ZFAND2A: variants seen among roughly 807,000 people sequenced by gnomAD.
ZFAND2A encodes the protein AN1-type zinc finger protein 2A.
Under a neutral mutation model 11.6 loss-of-function variants are expected in ZFAND2A, and 20 were observed. The ratio of observed to expected loss-of-function variants is 1.72; its 90% confidence interval spans 1.21 to 2.50. ZFAND2A has a LOEUF of 2.50. Ranked by LOEUF, ZFAND2A falls within the 30% of genes most tolerant of loss-of-function variation. The pLI, the probability that ZFAND2A is intolerant of heterozygous loss-of-function variation, is 0.00. For missense variants in ZFAND2A, 234 were observed against 182.9 expected (o/e 1.28, Z -1.61); for synonymous variants, 93 against 60.6 (o/e 1.54, Z -2.48).
intron 3 of ZFAND2A, 53 bp downstream of exon 3, chr7:1,157,603 A>G (rs1268895662): frequency 2.6e-6 from 4 of 1,510,214 alleles, no homozygotes; most frequent in Non-Finnish European, 3.6e-6. Flanking sequence ...CCAGCAAGAC[A>G]GTGCAGCTTC....
intron 2 of ZFAND2A, 150 bp downstream of exon 2, chr7:1,158,008 A>T (rs1793572549): frequency 2.4e-6 from 2 of 838,576 alleles, no homozygotes; most frequent in Admixed American, 4.5e-5. Flanking sequence ...CCTCTGGTGG[A>T]TGCTAAGTGT....
rs1793580349 is a variant in ZFAND2A at position 1,158,267 on chromosome 7, A to C, written c.-45-10T>G. ...CGGAGTTAAGTGTCACCTACAAGAG[A>C]ATCAGAATAGTTAGGAGGAAAGCTG... On this transcript the variant is annotated splice_polypyrimidine_tract_variant and intron_variant, in intron 1 of 4. Transcript: ENST00000316495. 3 of 1,540,708 alleles carry C rather than the reference A, an allele frequency of 1.9e-6. No homozygotes were observed. The highest frequency in any genetic ancestry group is 1.1e-5 in the South Asian group (1 of 88,446).
At chr7:1,152,339 G>T (rs1474602121), downstream of ZFAND2A, 1 of 1,570,560 alleles carries the variant, frequency 6.4e-7, no homozygotes. Context: ...TGTCATGGGT[G>T]AGCACCTACA....
downstream of ZFAND2A, among the ~76,000 whole-genome samples, chr7:1,151,776 C>CAAAAAAAA (rs1563158643): frequency 9.5e-5 from 5 of 52,634 alleles, no homozygotes; most frequent in African/African-American, 3.4e-4. Context: ...AAAAAAAAAG[C>CAAAAAAAA]AAAGCCAGCC....
chr7:1,153,348 A>G (rs1584024379), intron 4 of ZFAND2A, 124 bp from the exon 5 acceptor site: 1 of 1,042,558 alleles, frequency 9.6e-7, no homozygotes, highest in East Asian at 2.6e-5. Flanking sequence ...CCTGGACTCA[A>G]GTGATTCTCC....
rs1209048500 is a variant in ZFAND2A, at chr7:1,152,981, G to A, written c.*88C>T. The A allele has an allele frequency of 1.4e-5, 21 of 1,541,970 alleles. No homozygotes were observed. Among genetic ancestry groups the A allele is most frequent in the African/African-American group, 4.1e-5 (3 of 73,172 alleles). Reference sequence around the variant, plus strand: ...AGATCAGCAGCCAGTGTGGGATGGTGCTCAATGGGGCTCCACTTCCCACTA... The same window carrying A: ...AGATCAGCAGCCAGTGTGGGATGGTACTCAATGGGGCTCCACTTCCCACTA... On this transcript the variant is annotated 3_prime_UTR_variant, in exon 5 of 5. Transcript: ENST00000316495.
chr7:1,153,992 C>T (rs760458491), intron 4 of ZFAND2A, among the ~76,000 whole-genome samples: 7 of 152,022 alleles, frequency 4.6e-5, no homozygotes, highest in South Asian at 2.1e-4. Flanking sequence ...TGGGGATTCC[C>T]GTGAAGATGG....
At chr7:1,150,677 C>A (rs1383777260), downstream of ZFAND2A, among the ~76,000 whole-genome samples, 1 of 152,170 alleles carries the variant, frequency 6.6e-6, no homozygotes, top group Non-Finnish European at 1.5e-5. Flanking sequence ...GCTCTTCAAA[C>A]CTATAAAACC....
At chr7:1,155,402 G>A (rs752175769) in intron 4 of ZFAND2A, 51 bp downstream of exon 4, 159 of 1,591,962 alleles carry the variant, frequency 1.0e-4, no homozygotes, top group Non-Finnish European at 1.3e-4. Flanking sequence ...CTCTTCCCAA[G>A]GAAAAACCAG....
In ZFAND2A at chr7:1,155,488, C is replaced by G; in HGVS notation, c.247G>C (p.Asp83His). The change falls in exon 4 of 5, where the codon GAC becomes CAC. Residue 83 changes from aspartate (D) to histidine (H), a missense_variant. Transcript: ENST00000316495. ...TTCTTCCCAGGGTGAGAGTCACAGT[C>G]TCTGTCAATGTGATCACCAACCACC... ...DVVVGDHIDR[D>H]CDSHPGKKKE... 1 of 1,613,816 alleles carries G rather than the reference C, an allele frequency of 6.2e-7. No homozygotes were observed. The highest frequency in any genetic ancestry group is 1.7e-5 in the Admixed American group (1 of 60,002).
downstream of ZFAND2A, among the ~76,000 whole-genome samples, chr7:1,151,328 T>G (rs1793393672): frequency 1.3e-5 from 2 of 152,138 alleles, no homozygotes. Flanking sequence ...GAGTAGCACC[T>G]GTGGCCGCCG....
chr7:1,153,274 G>T (rs1372011049), intron 4 of ZFAND2A, 50 bp from the exon 5 acceptor site: 3 of 1,586,148 alleles, frequency 1.9e-6, no homozygotes, highest in East Asian at 2.2e-5. Context: ...TGGAGACAGG[G>T]TCTCGCTCTG....
intron 1 of ZFAND2A, among the ~76,000 whole-genome samples, chr7:1,158,988 G>A (rs1793604879): frequency 6.6e-6 from 1 of 152,010 alleles, no homozygotes; most frequent in Admixed American, 6.6e-5. Context: ...CCCACTCCTG[G>A]AGGCCTCCTA....
chr7:1,155,019 G>C (rs1438942123), intron 4 of ZFAND2A, among the ~76,000 whole-genome samples: 1 of 152,232 alleles, frequency 6.6e-6, no homozygotes, highest in Non-Finnish European at 1.5e-5. Flanking sequence ...TCGGGAGGCT[G>C]AGACAGGAGA....
chr7:1,158,887 G>A lies in ZFAND2A; in HGVS notation c.-45-630C>T, dbSNP rs182043166. On this transcript the variant is annotated intron_variant, in intron 1 of 4. Transcript: ENST00000316495. ...TGATCTAGTACCCACCAGCCCTCCC[G>A]GGGCCTTTTCCTGGGGCTCACGAGG... Among the ~76,000 whole-genome samples, 40 of 152,124 alleles carry A rather than the reference G, an allele frequency of 2.6e-4. No homozygotes were observed. In the East Asian group the frequency reaches 7.4e-3, roughly 28 times the overall value.
Position 1,153,301 on chromosome 7 carries a change from G to A in ZFAND2A, c.283-77C>T, listed in dbSNP as rs931431819. The A allele has an allele frequency of 1.3e-5, 20 of 1,522,166 alleles. No individual in the cohort carries two copies. The African/African-American group carries it at 2.5e-4, about 19-fold the overall frequency. 94.3% of individuals were successfully genotyped at this position (1,522,166 alleles called of 1,614,324 possible). On this transcript the variant is annotated intron_variant, in intron 4 of 4. Transcript: ENST00000316495. ...CTCGCTCTGTTGCCCAGGCTGGAGT[G>A]CAGTGGCTTGATCTTGGCTCACTGC...
intron 3 of ZFAND2A, 41 bp downstream of exon 3, chr7:1,157,615 G>A (rs745758821): frequency 6.5e-7 from 1 of 1,547,312 alleles, no homozygotes; most frequent in Non-Finnish European, 8.8e-7. Context: ...TGCAGCTTCA[G>A]ACGGTGAAGA....
At chr7:1,154,676 T>C (rs1793480278) in intron 4 of ZFAND2A, among the ~76,000 whole-genome samples, 1 of 152,208 alleles carries the variant, frequency 6.6e-6, no homozygotes, top group Non-Finnish European at 1.5e-5. Flanking sequence ...GGAACACTGA[T>C]TTTATTCTCT....
downstream of ZFAND2A, chr7:1,152,342 C>T (rs1584022870): frequency 6.4e-7 from 1 of 1,567,844 alleles, no homozygotes; most frequent in East Asian, 2.3e-5. Flanking sequence ...CATGGGTGAG[C>T]ACCTACAGAG....
Sources: gnomAD v4.1 joint callset for allele counts (sites outside exome capture counted in the v4.1 genomes callset) on GRCh38, gnomAD v4.1.1 for gene constraint, MANE v1.5 for transcripts, NCBI Gene and HGNC (gene_info 2026-07-23, HGNC 2026-07-21) for gene names.